The following ARB2A variants were observed in gnomAD, a reference collection of about 807,000 sequenced individuals.
ARB2A encodes the protein cotranscriptional regulator ARB2A.
the ARB2A span, among the ~76,000 whole-genome samples, chr5:93,811,557 A>G: frequency 6.6e-6 from 1 of 152,144 alleles, no homozygotes; most frequent in Non-Finnish European, 1.5e-5. Flanking sequence ...GTTAAAAGTC[A>G]CTACAATTAG....
the ARB2A span, among the ~76,000 whole-genome samples, chr5:93,879,417 T>G: frequency 2.0e-5 from 3 of 151,950 alleles, no homozygotes; most frequent in Non-Finnish European, 4.4e-5. Context: ...TGTCTTTTGG[T>G]GCTTTTGTTG....
At chr5:94,071,318 TCATAAA>T in the ARB2A span, among the ~76,000 whole-genome samples, 6 of 152,174 alleles carry the variant, frequency 3.9e-5, no homozygotes, top group Admixed American at 1.3e-4. Context: ...GAGAAAACCT[TCATAAA>T]CTAGGACTAG....
the ARB2A span, among the ~76,000 whole-genome samples, chr5:94,038,994 G>A: frequency 6.6e-6 from 1 of 152,122 alleles, no homozygotes; most frequent in Non-Finnish European, 1.5e-5. Flanking sequence ...AGAGAAGATG[G>A]TTTTTAGTGC....
the ARB2A span, among the ~76,000 whole-genome samples, chr5:93,963,641 C>A: frequency 6.6e-6 from 1 of 151,910 alleles, no homozygotes; most frequent in African/African-American, 2.4e-5. Flanking sequence ...ACTCGTGCAA[C>A]ATTTCATGCA....
At chr5:93,774,829 C>A in the ARB2A span, among the ~76,000 whole-genome samples, 3 of 152,126 alleles carry the variant, frequency 2.0e-5, no homozygotes, top group Admixed American at 2.0e-4. Flanking sequence ...AACAGAAACA[C>A]ACATAAACCA....
chr5:93,774,114 T>A, the ARB2A span, among the ~76,000 whole-genome samples: 1 of 152,192 alleles, frequency 6.6e-6, no homozygotes, highest in East Asian at 1.9e-4. Flanking sequence ...GTAATTGTTT[T>A]GAGGTGCCAC....
At chr5:93,746,636 ACAGT>A in the ARB2A span, among the ~76,000 whole-genome samples, 2 of 152,186 alleles carry the variant, frequency 1.3e-5, no homozygotes, top group Admixed American at 6.5e-5. Flanking sequence ...CAACCACCAC[ACAGT>A]CAGAGAACAA....
At chr5:94,062,036 C>T in the ARB2A span, among the ~76,000 whole-genome samples, 3,661 of 152,208 alleles carry the variant, frequency 0.024, 72 homozygotes, top group Non-Finnish European at 0.038. Context: ...TACTATATAG[C>T]TACTGTAATT....
the ARB2A span, among the ~76,000 whole-genome samples, chr5:93,853,519 C>T: frequency 6.6e-6 from 1 of 152,122 alleles, no homozygotes; most frequent in African/African-American, 2.4e-5. Flanking sequence ...TGAGAGAGGG[C>T]ATCCCTGTCT....
the ARB2A span, among the ~76,000 whole-genome samples, chr5:93,814,843 G>C: frequency 6.6e-6 from 1 of 151,994 alleles, no homozygotes; most frequent in Non-Finnish European, 1.5e-5. Flanking sequence ...CACTTTTTTG[G>C]TTTGCTTGTT....
chr5:93,868,126 C>A, the ARB2A span, among the ~76,000 whole-genome samples: 1 of 152,058 alleles, frequency 6.6e-6, no homozygotes, highest in Non-Finnish European at 1.5e-5. Context: ...TTGAGGCCAG[C>A]CTGGGGAATA....
At chr5:93,870,675 C>T in the ARB2A span, among the ~76,000 whole-genome samples, 2 of 152,144 alleles carry the variant, frequency 1.3e-5, no homozygotes, top group Admixed American at 6.5e-5. Context: ...TTAGCACCTA[C>T]GAAGGCAGTG....
the ARB2A span, among the ~76,000 whole-genome samples, chr5:93,766,635 T>C: frequency 0.086 from 13,021 of 152,180 alleles, 876 homozygotes; most frequent in African/African-American, 0.18. Context: ...GTGTGGCAAT[T>C]CCTCAGGGAT....
At chr5:93,966,495 T>C in the ARB2A span, among the ~76,000 whole-genome samples, 1 of 152,096 alleles carries the variant, frequency 6.6e-6, no homozygotes, top group Non-Finnish European at 1.5e-5. Flanking sequence ...AAAAACACGA[T>C]AGAGCAAGTC....
the ARB2A span, among the ~76,000 whole-genome samples, chr5:93,909,550 A>G: frequency 6.6e-6 from 1 of 150,990 alleles, no homozygotes; most frequent in Non-Finnish European, 1.5e-5. Flanking sequence ...TTATTTCCCC[A>G]TGATCACCTC....
chr5:93,850,010 AAT>A, the ARB2A span, among the ~76,000 whole-genome samples: 1 of 152,196 alleles, frequency 6.6e-6, no homozygotes, highest in Non-Finnish European at 1.5e-5. Context: ...CAGTCGTTAC[AAT>A]TATTATCTAC....
At chr5:93,993,864 A>T in the ARB2A span, among the ~76,000 whole-genome samples, 2 of 151,436 alleles carry the variant, frequency 1.3e-5, no homozygotes, top group Non-Finnish European at 2.9e-5. Flanking sequence ...AAAGATTCAA[A>T]AATAGAAAAT....
At chr5:94,004,994 T>G in the ARB2A span, among the ~76,000 whole-genome samples, 4 of 25,442 alleles carry the variant, frequency 1.6e-4, no homozygotes, top group African/African-American at 7.5e-4. Flanking sequence ...AGCCATTTTA[T>G]CAGCAAAAAA....
At chr5:93,843,817 A>G in the ARB2A span, among the ~76,000 whole-genome samples, 1 of 152,162 alleles carries the variant, frequency 6.6e-6, no homozygotes, top group Admixed American at 6.5e-5. Flanking sequence ...AAACCAGGTA[A>G]GTCTAGGAGA....
Sources: gnomAD v4.1 joint callset for allele counts (sites outside exome capture counted in the v4.1 genomes callset) on GRCh38, gnomAD v4.1.1 for gene constraint, MANE v1.5 for transcripts, NCBI Gene and HGNC (gene_info 2026-07-23, HGNC 2026-07-21) for gene names.